The following GAP43 variants were observed in gnomAD, a reference collection of about 807,000 sequenced individuals.
The protein encoded by GAP43 is neuromodulin.
GAP43 carries 6 observed loss-of-function variants against 18.6 expected under a neutral mutation model. That is an observed-to-expected ratio of 0.32 (90% CI 0.18 to 0.64). The LOEUF (loss-of-function observed/expected upper bound fraction) is 0.64, where lower values mean the gene tolerates loss of function less well. Among genes scored for constraint, GAP43 ranks in the 30% least tolerant of loss-of-function variants. The pLI, the probability that GAP43 is intolerant of heterozygous loss-of-function variation, is 0.78. For missense variants in GAP43, 292 were observed against 295.5 expected (o/e 0.99, Z 0.09); for synonymous variants, 115 against 111.4 (o/e 1.03, Z -0.20).
chr3:115,705,921 T>C (rs1709357590), intron 2 of GAP43, among the ~76,000 whole-genome samples: 1 of 152,112 alleles, frequency 6.6e-6, no homozygotes. Context: ...TTCAATCATG[T>C]TTGAACAAGA....
At chr3:115,720,160 C>T (rs1709558495) in intron 2 of GAP43, among the ~76,000 whole-genome samples, 1 of 152,118 alleles carries the variant, frequency 6.6e-6, no homozygotes, top group South Asian at 2.1e-4. Context: ...GCTCCACCAT[C>T]CTTAGTGTAT....
chr3:115,640,014 T>C (rs1342788104), intron 1 of GAP43, among the ~76,000 whole-genome samples: 1 of 152,070 alleles, frequency 6.6e-6, no homozygotes, highest in Non-Finnish European at 1.5e-5. Flanking sequence ...ATGGGAAACT[T>C]AAACACTCTC....
rs181151462 is a variant in GAP43 at position 115,685,080 on chromosome 3, A to G, written c.628+8470A>G. Among the ~76,000 whole-genome samples the G allele has an allele frequency of 5.0e-3, 756 of 152,274 alleles. 5 individuals carry two copies. Among genetic ancestry groups the G allele is most frequent in the African/African-American group, 0.017 (720 of 41,550 alleles). Reference sequence around the variant, plus strand: ...TTGAATGAATAATATTATGCCTTAGATAAAATCCTAAACTGACCCAGGAAA... The same window carrying G: ...TTGAATGAATAATATTATGCCTTAGGTAAAATCCTAAACTGACCCAGGAAA... On this transcript the variant is annotated intron_variant, in intron 2 of 2. Coordinates refer to ENST00000305124, the MANE Select transcript of GAP43 (RefSeq NM_002045.4).
chr3:115,718,460 G>A (rs73858068), intron 2 of GAP43, among the ~76,000 whole-genome samples: 3,206 of 152,212 alleles, frequency 0.021, 109 homozygotes, highest in African/African-American at 0.073. Flanking sequence ...TGTAATTCCT[G>A]AGGAATACTG....
chr3:115,661,374 G>A (rs930576353), intron 1 of GAP43: 1 of 152,254 alleles, frequency 6.6e-6, no homozygotes, highest in Admixed American at 6.5e-5. Context: ...ATATAACTGG[G>A]CAGAGGTTCT....
chr3:115,628,266 T>C (rs1286157186), intron 1 of GAP43, among the ~76,000 whole-genome samples: 1 of 151,932 alleles, frequency 6.6e-6, no homozygotes, highest in East Asian at 1.9e-4. Context: ...CAGTCCCTCA[T>C]GCCCTGCTCT....
chr3:115,635,337 A>G (rs1159080860), intron 1 of GAP43, among the ~76,000 whole-genome samples: 1 of 152,132 alleles, frequency 6.6e-6, no homozygotes, highest in Non-Finnish European at 1.5e-5. Context: ...TAGCTTTTTG[A>G]TAACTCAACC....
intron 2 of GAP43, among the ~76,000 whole-genome samples, chr3:115,693,983 G>A (rs1212400330): frequency 2.0e-5 from 3 of 152,186 alleles, no homozygotes; most frequent in Non-Finnish European, 4.4e-5. Flanking sequence ...GCTTATTAAT[G>A]GAGTTGAGCA....
At position 115,641,351 on chromosome 3, in the gene GAP43, C is replaced by T. The variant is rs778825457; in HGVS notation, c.30+17632C>T. ...CATATTGTCTATGTGTGTGCGTGCACGTGTATGTGTGTACATACACACATA... is the reference window on the plus strand; with the variant it reads ...CATATTGTCTATGTGTGTGCGTGCATGTGTATGTGTGTACATACACACATA... On this transcript the variant is annotated intron_variant, in intron 1 of 2. Coordinates refer to ENST00000305124, the MANE Select transcript of GAP43 (RefSeq NM_002045.4). Among the ~76,000 whole-genome samples, 62 of 151,440 alleles carry T rather than the reference C, an allele frequency of 4.1e-4. 1 individual carries two copies. The highest frequency in any genetic ancestry group is 7.9e-4 in the Admixed American group (12 of 15,202).
intron 1 of GAP43, among the ~76,000 whole-genome samples, chr3:115,641,539 C>CAG (rs1321617937): frequency 8.8e-5 from 10 of 114,190 alleles, no homozygotes; most frequent in African/African-American, 1.0e-4. Flanking sequence ...CACACACACA[C>CAG]ACACGGTGCT....
At chr3:115,716,763 T>C (rs1161796073) in intron 2 of GAP43, among the ~76,000 whole-genome samples, 19 of 96,730 alleles carry the variant, frequency 2.0e-4, no homozygotes, top group African/African-American at 8.1e-4. Flanking sequence ...TATATATATA[T>C]ATATACAGAG....
intron 1 of GAP43, among the ~76,000 whole-genome samples, chr3:115,650,731 T>TTTTTAAAATCATACTCTAGTC (rs566434359): frequency 1.3e-5 from 2 of 152,322 alleles, no homozygotes; most frequent in Non-Finnish European, 2.9e-5. Context: ...ATAACTATAA[T>TTTTTAAAATCATACTCTAGTC]TTTTAAAATC....
At position 115,683,147 on chromosome 3, in the gene GAP43, G is replaced by GCGCA. The variant is rs1252333447; in HGVS notation, c.628+6538_628+6539insGCAC. On this transcript the variant is annotated intron_variant, in intron 2 of 2. Transcript: ENST00000305124. ...TGTGCGCGCGCGTGCGCGCGCGCGC[G>GCGCA]CACACACACACACACACACACACAC... 6.6e-3 allele frequency among the ~76,000 whole-genome samples: 838 copies of GCGCA among 127,404 alleles called. 3 individuals are homozygous for GCGCA. The highest frequency in any genetic ancestry group is 0.013 in the African/African-American group (425 of 33,096). The allele number at this position is 127,404 out of a possible 152,430, so 83.6% of individuals were successfully genotyped here. A position where few individuals can be genotyped will look rare whatever the true frequency, so the allele number is the denominator to read the frequency against.
intron 2 of GAP43, among the ~76,000 whole-genome samples, chr3:115,704,939 C>T (rs865808225): frequency 6.6e-6 from 1 of 152,114 alleles, no homozygotes; most frequent in African/African-American, 2.4e-5. Context: ...GAGTCTGTGA[C>T]GGTATATACA....
intron 1 of GAP43, among the ~76,000 whole-genome samples, chr3:115,659,138 G>A (rs1213827307): frequency 6.6e-6 from 1 of 152,176 alleles, no homozygotes; most frequent in Non-Finnish European, 1.5e-5. Flanking sequence ...GCGGCCGGCA[G>A]GAAGGTTTCT....
At chr3:115,660,864 T>G (rs1011267841) in intron 1 of GAP43, among the ~76,000 whole-genome samples, 3 of 152,184 alleles carry the variant, frequency 2.0e-5, no homozygotes, top group Non-Finnish European at 4.4e-5. Context: ...TCCTTGCCTT[T>G]CCTTCTTGCT....
chr3:115,665,080 AG>A (rs1378437475), intron 1 of GAP43, among the ~76,000 whole-genome samples: 1 of 152,154 alleles, frequency 6.6e-6, no homozygotes, highest in Non-Finnish European at 1.5e-5. Context: ...TACTGCTGAT[AG>A]GTAACACTGT....
In GAP43 at chr3:115,676,208, G is replaced by C; in HGVS notation, c.226G>C (p.Asp76His). ...ANKKDEAPVA[D>H]GVEKKGEGTT... ...TAAGAAGGATGAAGCCCCTGTTGCC[G>C]ATGGGGTGGAGAAGAAGGGAGAAGG... Residue 76 changes from aspartate (D) to histidine (H), a missense_variant, in exon 2 of 3, where the codon GAT becomes CAT. By Grantham distance (81) the Asp-to-His change is moderately conservative. Coordinates refer to ENST00000305124, the MANE Select transcript of GAP43 (RefSeq NM_002045.4). 1 of 1,614,168 alleles carries C rather than the reference G, an allele frequency of 6.2e-7. No homozygotes were observed. The highest frequency in any genetic ancestry group is 1.1e-5 in the South Asian group (1 of 91,082).
intron 2 of GAP43, among the ~76,000 whole-genome samples, chr3:115,710,370 A>G (rs1709418812): frequency 6.6e-6 from 1 of 152,104 alleles, no homozygotes. Context: ...TTGTTTGGAG[A>G]TAATTTAGAT....
Sources: gnomAD v4.1 joint callset for allele counts (sites outside exome capture counted in the v4.1 genomes callset) on GRCh38, gnomAD v4.1.1 for gene constraint, MANE v1.5 for transcripts, NCBI Gene and HGNC (gene_info 2026-07-23, HGNC 2026-07-21) for gene names.